DNAJC3: variants seen among roughly 807,000 people sequenced by gnomAD.
The protein encoded by DNAJC3 is DnaJ heat shock protein family (Hsp40) member C3, also known as dnaJ homolog subfamily C member 3.
In DNAJC3, 38 loss-of-function variants were observed where a neutral mutation model predicts 68.6. That is an observed-to-expected ratio of 0.55 (90% CI 0.43 to 0.73). The LOEUF (loss-of-function observed/expected upper bound fraction) is 0.73. Ranked by LOEUF, DNAJC3 falls within the 30% of genes least tolerant of loss-of-function variation. The probability of loss-of-function intolerance (pLI) is 0.00; values close to 1 mark genes in which losing one functional copy is unlikely to be tolerated. For missense variants in DNAJC3, 526 were observed against 591.9 expected (o/e 0.89, Z 1.16); for synonymous variants, 203 against 204.0 (o/e 1.00, Z 0.04).
intron 1 of DNAJC3, among the ~76,000 whole-genome samples, chr13:95,681,724 A>G (rs1273789710): frequency 6.6e-6 from 1 of 152,142 alleles, no homozygotes; most frequent in Non-Finnish European, 1.5e-5. Context: ...CACTCCCACA[A>G]TTCTTTACTA....
intron 2 of DNAJC3, among the ~76,000 whole-genome samples, chr13:95,709,730 C>T (rs957117374): frequency 1.3e-5 from 2 of 150,646 alleles, no homozygotes; most frequent in African/African-American, 4.9e-5. Flanking sequence ...AGCTCTGCCT[C>T]CCGGGTTCAT....
rs369765018 is a variant in DNAJC3, at chr13:95,677,231, C to T, written c.-25C>T. 27 of 1,597,926 alleles carry T rather than the reference C, an allele frequency of 1.7e-5. No individual in the cohort carries two copies. Among genetic ancestry groups the T allele is most frequent in the Non-Finnish European group, 1.9e-5 (22 of 1,173,738 alleles). ...TGCTGGTGGGCCACACACCTTTCCT[C>T]CTCTTCACTCGCGAGCCCTCGGACA... On this transcript the variant is annotated 5_prime_UTR_variant, in exon 1 of 12. Coordinates refer to ENST00000602402, the MANE Select transcript of DNAJC3 (RefSeq NM_006260.5).
intron 2 of DNAJC3, among the ~76,000 whole-genome samples, chr13:95,711,512 A>G (rs964408445): frequency 4.0e-5 from 6 of 151,402 alleles, no homozygotes; most frequent in Non-Finnish European, 8.8e-5. Context: ...TTAAAAAAAC[A>G]GAAAACAAAA....
At chr13:95,719,914 C>T (rs143417975) in intron 2 of DNAJC3, among the ~76,000 whole-genome samples, 20 of 152,146 alleles carry the variant, frequency 1.3e-4, no homozygotes, top group Admixed American at 7.2e-4. Context: ...TGTAGTTTAC[C>T]GTATACCATG....
At chr13:95,704,910 G>A (rs1037608721) in intron 1 of DNAJC3, among the ~76,000 whole-genome samples, 1 of 145,068 alleles carries the variant, frequency 6.9e-6, no homozygotes, top group South Asian at 2.2e-4. Flanking sequence ...GGAGTGCAGT[G>A]GCATGATCTC....
At chr13:95,770,485 T>A (rs1034850079) in intron 9 of DNAJC3, among the ~76,000 whole-genome samples, 1 of 152,206 alleles carries the variant, frequency 6.6e-6, no homozygotes, top group African/African-American at 2.4e-5. Context: ...TCTTTTCCCC[T>A]ATAAAAATGT....
chr13:95,773,134 T>C, intron 9 of DNAJC3, among the ~76,000 whole-genome samples: 1 of 148,378 alleles, frequency 6.7e-6, no homozygotes, highest in South Asian at 2.1e-4. Context: ...TTTGGTAGGA[T>C]GGTTTTTGAC....
At position 95,791,785 on chromosome 13, in the gene DNAJC3, T is replaced by C. The variant is rs1012100381; in HGVS notation, c.*755T>C. 4.6e-5 allele frequency: 7 copies of C among 152,226 alleles called. No individual in the cohort carries two copies. Among genetic ancestry groups the C allele is most frequent in the African/African-American group, 1.7e-4 (7 of 41,458 alleles). 9.4% of individuals were successfully genotyped at this position (152,226 alleles called of 1,614,324 possible). A position where few individuals can be genotyped will look rare whatever the true frequency, so the allele number is the denominator to read the frequency against. ...AAATTAAAAGTTGTTATAGGTAAAATAAGTTCAGATAAAATAGTGGTGGTA... is the reference window on the plus strand; with the variant it reads ...AAATTAAAAGTTGTTATAGGTAAAACAAGTTCAGATAAAATAGTGGTGGTA... On this transcript the variant is annotated 3_prime_UTR_variant, in exon 12 of 12. Transcript: ENST00000602402.
intron 4 of DNAJC3, among the ~76,000 whole-genome samples, chr13:95,731,149 G>A (rs970478012): frequency 6.6e-6 from 1 of 151,756 alleles, no homozygotes; most frequent in Non-Finnish European, 1.5e-5. Context: ...TGTTGATTTA[G>A]TATCCTGCAC....
rs1440268654 is a variant in DNAJC3, at chr13:95,677,181, C to T, written c.-75C>T. 14 of 1,428,492 alleles carry T rather than the reference C, an allele frequency of 9.8e-6. No individual in the cohort carries two copies. Among genetic ancestry groups the T allele is most frequent in the East Asian group, 2.6e-5 (1 of 38,012 alleles). The allele number at this position is 1,428,492 out of a possible 1,614,324, so 88.5% of individuals were successfully genotyped here. On this transcript the variant is annotated 5_prime_UTR_variant, in exon 1 of 12. Coordinates refer to ENST00000602402, the MANE Select transcript of DNAJC3 (RefSeq NM_006260.5). ...AGCGAGAGCCGACGGCGGGCGGGCGCAGCTGCTGCCGGAGCGCCGGCGCGT... is the reference window on the plus strand; with the variant it reads ...AGCGAGAGCCGACGGCGGGCGGGCGTAGCTGCTGCCGGAGCGCCGGCGCGT...
At chr13:95,771,532 G>A (rs192488234) in intron 9 of DNAJC3, among the ~76,000 whole-genome samples, 5 of 152,270 alleles carry the variant, frequency 3.3e-5, no homozygotes, top group African/African-American at 1.2e-4. Flanking sequence ...GCAGGCCAGG[G>A]TCATATGGAG....
At chr13:95,766,074 C>G (rs1440199610) in intron 9 of DNAJC3, among the ~76,000 whole-genome samples, 1 of 152,138 alleles carries the variant, frequency 6.6e-6, no homozygotes, top group East Asian at 1.9e-4. Flanking sequence ...AAATAATAAT[C>G]TTACTTAGCT....
intron 2 of DNAJC3, among the ~76,000 whole-genome samples, chr13:95,721,640 GT>G (rs59951052): frequency 2.0e-3 from 274 of 136,264 alleles, no homozygotes; most frequent in African/African-American, 2.8e-3. Flanking sequence ...CAATGTGTGT[GT>G]TTTTTTTTTT....
intron 4 of DNAJC3, among the ~76,000 whole-genome samples, chr13:95,735,759 C>A (rs1464339235): frequency 6.6e-6 from 1 of 151,884 alleles, no homozygotes; most frequent in Admixed American, 6.6e-5. Flanking sequence ...AATTTTCTCC[C>A]ATTTTGTAGG....
chr13:95,715,950 A>C (rs928648889), intron 2 of DNAJC3, among the ~76,000 whole-genome samples: 1 of 151,838 alleles, frequency 6.6e-6, no homozygotes, highest in Non-Finnish European at 1.5e-5. Context: ...TGAGGTCAGG[A>C]GTTCGAGACC....
intron 4 of DNAJC3, among the ~76,000 whole-genome samples, chr13:95,740,505 A>C (rs1030574768): frequency 7.2e-5 from 11 of 151,994 alleles, no homozygotes; most frequent in Non-Finnish European, 1.5e-4. Flanking sequence ...GCCGGATATA[A>C]TCTCGTGGTG....
intron 1 of DNAJC3, among the ~76,000 whole-genome samples, chr13:95,680,568 T>G (rs1879886170): frequency 6.6e-6 from 1 of 152,220 alleles, no homozygotes; most frequent in African/African-American, 2.4e-5. Flanking sequence ...TAGAATTATT[T>G]TAAATTCTTT....
chr13:95,762,287 A>T (rs983279793), intron 7 of DNAJC3, among the ~76,000 whole-genome samples: 9 of 152,076 alleles, frequency 5.9e-5, no homozygotes, highest in Admixed American at 4.6e-4. Flanking sequence ...TCTGTTTGCA[A>T]GTCTGTCCTT....
intron 2 of DNAJC3, 90 bp from the exon 3 acceptor site, chr13:95,723,152 C>T: frequency 2.5e-6 from 3 of 1,178,074 alleles, no homozygotes; most frequent in Non-Finnish European, 3.5e-6. Context: ...AGTAGAGTTG[C>T]AAGTGCTGAT....
Sources: allele counts gnomAD v4.1 joint callset (sites outside exome capture counted in the v4.1 genomes callset), GRCh38; gene constraint gnomAD v4.1.1; transcripts MANE v1.5; gene names NCBI Gene and HGNC (gene_info 2026-07-23, HGNC 2026-07-21).